A2ML1: variants seen among roughly 807,000 people sequenced by gnomAD.
The protein encoded by A2ML1 is alpha-2-macroglobulin-like protein 1.
Under a neutral mutation model 181.9 loss-of-function variants are expected in A2ML1, and 161 were observed. The ratio of observed to expected loss-of-function variants is 0.89; its 90% confidence interval spans 0.78 to 1.01. A2ML1 has a LOEUF of 1.01. Among genes scored for constraint, A2ML1 ranks in the 50% least tolerant of loss-of-function variants. A2ML1 has a pLI of 0.00. For missense variants in A2ML1, 1,670 were observed against 1,768.1 expected, an observed-to-expected ratio of 0.94 and a Z score of 1.00; for synonymous variants, 663 against 666.8, an observed-to-expected ratio of 0.99 and a Z score of 0.09.
chr12:8,876,337 C>T lies in A2ML1; in HGVS notation c.*281C>T, dbSNP rs1944799298. The T allele has an allele frequency of 6.6e-6, 1 of 152,158 alleles. No homozygotes were observed. The highest frequency in any genetic ancestry group is 2.1e-4 in the South Asian group (1 of 4,824). The allele number at this position is 152,158 out of a possible 1,614,324, so 9.4% of individuals were successfully genotyped here. On this transcript the variant is annotated 3_prime_UTR_variant, in exon 36 of 36. Coordinates refer to ENST00000299698, the MANE Select transcript of A2ML1 (RefSeq NM_144670.6). Reference sequence around the variant, plus strand: ...TTTATTTAGCCATTCAGGGGGCTCTCCAGAGAGGAGACGGTGGTAGAGGGT... The same window carrying T: ...TTTATTTAGCCATTCAGGGGGCTCTTCAGAGAGGAGACGGTGGTAGAGGGT...
chr12:8,845,955 A>G, intron 13 of A2ML1, 122 bp from the exon 14 acceptor site: 1 of 1,020,632 alleles, frequency 9.8e-7, no homozygotes, highest in Non-Finnish European at 1.4e-6. Flanking sequence ...GAGAAGAGAA[A>G]AATGAGAAGT....
At chr12:8,873,058 A>G (rs1292540929) in intron 33 of A2ML1, among the ~76,000 whole-genome samples, 1 of 148,004 alleles carries the variant, frequency 6.8e-6, no homozygotes, top group African/African-American at 2.6e-5. Flanking sequence ...ATGAGAGTGG[A>G]AAAAAAAAGT....
At position 8,837,937 on chromosome 12, in the gene A2ML1, A is replaced by G. The variant is rs746300466; in HGVS notation, c.855+371A>G. ...ACGTATCCACATGTCCTAAAGCGTA[A>G]GGAAGCAACAATCTAGAAAAGAGCT... On this transcript the variant is annotated intron_variant, in intron 8 of 35. Coordinates refer to ENST00000299698, the MANE Select transcript of A2ML1 (RefSeq NM_144670.6). 4.0e-5 allele frequency among the ~76,000 whole-genome samples: 6 copies of G among 151,194 alleles called. No homozygotes were observed. In the East Asian group the frequency reaches 1.2e-3, roughly 29 times the overall value.
chr12:8,850,223 A>C lies in A2ML1; in HGVS notation c.2183A>C (p.Gln728Pro). ...STPLHQAEDS[Q>P]VRQYFPETWL... ...CCTTTACATCAAGCAGAGGATTCTC[A>C]GGTCCGCCAGTACTTCCCAGAGACC... Residue 728 changes from glutamine (Q) to proline (P), a missense_variant, in exon 18 of 36, where the codon CAG becomes CCG. Transcript: ENST00000299698. 6.2e-7 allele frequency: 1 copy of C among 1,613,432 alleles called. No individual in the cohort carries two copies. The highest frequency in any genetic ancestry group is 8.5e-7 in the Non-Finnish European group (1 of 1,179,740).
intron 12 of A2ML1, chr12:8,845,218 G>A (rs1394224262): frequency 1.3e-6 from 2 of 1,535,298 alleles, no homozygotes; most frequent in Non-Finnish European, 1.7e-6. Flanking sequence ...CCATCCACCT[G>A]CGTGGTTCTC....
chr12:8,883,068 C>T (rs1328079013), intron 7 of A2ML1, among the ~76,000 whole-genome samples: 2 of 152,066 alleles, frequency 1.3e-5, no homozygotes, highest in African/African-American at 4.8e-5. Flanking sequence ...CTCTCTTCTG[C>T]TTGGAGGACT....
intron 28 of A2ML1, 83 bp from the exon 29 acceptor site, chr12:8,863,711 C>T (rs1158192164): frequency 7.2e-7 from 1 of 1,384,438 alleles, no homozygotes; most frequent in Non-Finnish European, 1.0e-6. Context: ...ACTTACTCTG[C>T]TCTAAGATGC....
At chr12:8,869,636 A>T (rs781231919) in intron 33 of A2ML1, among the ~76,000 whole-genome samples, 248 of 151,750 alleles carry the variant, frequency 1.6e-3, no homozygotes, top group Middle Eastern at 3.4e-3. Context: ...CTGTCAGTGC[A>T]TCTCAATTCT....
intron 11 of A2ML1, 74 bp from the exon 12 acceptor site, chr12:8,843,060 A>G: frequency 7.4e-7 from 1 of 1,359,364 alleles, no homozygotes. Context: ...CTCTATTTGA[A>G]AACCGTAACA....
intron 5 of A2ML1, chr12:8,835,031 G>A (rs1195415651): frequency 2.1e-5 from 7 of 330,864 alleles, no homozygotes; most frequent in East Asian, 5.7e-5. Flanking sequence ...CAACAGGTAC[G>A]TGATAACATA....
rs1384103076 is a variant in A2ML1 at position 8,847,406 on chromosome 12, C to T, written c.1684-143C>T. On this transcript the variant is annotated intron_variant, in intron 14 of 35. Transcript: ENST00000299698. ...GGCATACACGTCCTGAAGAGCTAGACTTTACAAAGAAAGATAAGTACAAAA... is the reference window on the plus strand; with the variant it reads ...GGCATACACGTCCTGAAGAGCTAGATTTTACAAAGAAAGATAAGTACAAAA... 8 of 1,053,198 alleles carry T rather than the reference C, an allele frequency of 7.6e-6. No individual in the cohort carries two copies. The East Asian group carries it at 2.0e-4, about 26-fold the overall frequency. The allele number at this position is 1,053,198 out of a possible 1,614,324, so 65.2% of individuals were successfully genotyped here.
intron 4 of A2ML1, among the ~76,000 whole-genome samples, chr12:8,832,979 C>CTTTT (rs10670476): frequency 0.052 from 7,207 of 138,578 alleles, 621 homozygotes; most frequent in African/African-American, 0.16. Flanking sequence ...TGCTACTTTC[C>CTTTT]TTTTTTTTTT....
chr12:8,829,094 A>C (rs1943025814), intron 3 of A2ML1, among the ~76,000 whole-genome samples: 1 of 152,166 alleles, frequency 6.6e-6, no homozygotes. Context: ...TCAGTGATAT[A>C]AAGTTAAAAC....
intron 26 of A2ML1, among the ~76,000 whole-genome samples, 193 bp from the exon 27 acceptor site, chr12:8,860,688 T>G (rs1400222815): frequency 5.3e-5 from 8 of 152,154 alleles, no homozygotes; most frequent in Admixed American, 1.3e-4. Context: ...AGTTATGAAG[T>G]CCAAACTGTT....
chr12:8,884,425 T>C (rs1210363710), intron 7 of A2ML1, among the ~76,000 whole-genome samples: 1 of 152,126 alleles, frequency 6.6e-6, no homozygotes, highest in Non-Finnish European at 1.5e-5. Flanking sequence ...CTCCTCCTAC[T>C]ATCCTCCGTC....
In A2ML1 at chr12:8,847,669, A is replaced by G; in HGVS notation, c.1804A>G (p.Arg602Gly). ...GGTGGATGAGAGTGTCTTACTGCTTAGGCCAGACAGAGAGCTGAGCAACCG... is the reference window on the plus strand; with the variant it reads ...GGTGGATGAGAGTGTCTTACTGCTTGGGCCAGACAGAGAGCTGAGCAACCG... ...RAVDESVLLL[R>G]PDRELSNRSV... The change falls in exon 15 of 36, where the codon AGG becomes GGG. Residue 602 changes from arginine to glycine, a missense_variant. Coordinates refer to ENST00000299698, the MANE Select transcript of A2ML1 (RefSeq NM_144670.6). The G allele has an allele frequency of 1.2e-6, 2 of 1,613,360 alleles. No individual in the cohort carries two copies. The highest frequency in any genetic ancestry group is 1.7e-6 in the Non-Finnish European group (2 of 1,179,708).
downstream of A2ML1, chr12:8,880,448 G>C (rs905304123): frequency 6.6e-6 from 1 of 152,216 alleles, no homozygotes; most frequent in East Asian, 1.9e-4. Context: ...TATGTGTGGG[G>C]CGGGGTGGGG....
intron 32 of A2ML1, 28 bp from the exon 33 acceptor site, chr12:8,869,107 A>G (rs1277061635): frequency 1.2e-6 from 2 of 1,612,582 alleles, no homozygotes; most frequent in Non-Finnish European, 8.5e-7. Context: ...GGCTCTTAGT[A>G]TCTTTTTTTT....
chr12:8,853,463 C>T (rs763751637), intron 20 of A2ML1, among the ~76,000 whole-genome samples: 1 of 152,294 alleles, frequency 6.6e-6, no homozygotes, highest in Non-Finnish European at 1.5e-5. Context: ...TTCTATGGGT[C>T]ATTAATCTGG....
Sources: gnomAD v4.1 joint callset for allele counts (sites outside exome capture counted in the v4.1 genomes callset) on GRCh38, gnomAD v4.1.1 for gene constraint, MANE v1.5 for transcripts, NCBI Gene and HGNC (gene_info 2026-07-23, HGNC 2026-07-21) for gene names.